The following CHLSN variants were observed in gnomAD, a reference collection of about 807,000 sequenced individuals.
The protein encoded by CHLSN is cholesin.
the CHLSN span, among the ~76,000 whole-genome samples, chr7:1,041,765 G>C: frequency 3.3e-5 from 5 of 151,940 alleles, no homozygotes; most frequent in African/African-American, 1.2e-4. Flanking sequence ...GTTCATCTCC[G>C]AGGGGAACGC....
At chr7:1,075,919 A>G in the CHLSN span, 1 of 151,960 alleles carries the variant, frequency 6.6e-6, no homozygotes, top group Non-Finnish European at 1.5e-5. Context: ...TTTATTAAAA[A>G]AAAAAACCCT....
the CHLSN span, among the ~76,000 whole-genome samples, chr7:1,090,940 T>C: frequency 6.6e-6 from 1 of 151,782 alleles, no homozygotes; most frequent in Non-Finnish European, 1.5e-5. Flanking sequence ...TAAGAGAAGA[T>C]TCTGCTCTGA....
At chr7:1,092,616 G>C in the CHLSN span, 1 of 1,612,174 alleles carries the variant, frequency 6.2e-7, no homozygotes, top group Admixed American at 1.7e-5. Flanking sequence ...CCTGCAAGCA[G>C]TCTTTCCGCC....
chr7:1,095,944 G>A, the CHLSN span, among the ~76,000 whole-genome samples: 7 of 152,226 alleles, frequency 4.6e-5, no homozygotes, highest in South Asian at 2.1e-4. Context: ...GTGCAGGGAC[G>A]GCAGCAGCGG....
the CHLSN span, among the ~76,000 whole-genome samples, chr7:1,030,838 C>A: frequency 2.0e-5 from 3 of 152,168 alleles, no homozygotes; most frequent in Admixed American, 2.0e-4. Flanking sequence ...TGCCACCATG[C>A]CTGCTTTCCC....
the CHLSN span, among the ~76,000 whole-genome samples, chr7:1,129,983 A>G: frequency 0.7 from 106,470 of 152,118 alleles, 38,656 homozygotes; most frequent in African/African-American, 0.89. Context: ...ATCAACTAGC[A>G]AAGCTGTGGC....
chr7:1,101,203 C>T, the CHLSN span, among the ~76,000 whole-genome samples: 2 of 152,392 alleles, frequency 1.3e-5, no homozygotes, highest in East Asian at 1.9e-4. Flanking sequence ...TCAGCTGCTG[C>T]GGTTGGTCTG....
At chr7:1,060,752 C>G in the CHLSN span, among the ~76,000 whole-genome samples, 14 of 152,226 alleles carry the variant, frequency 9.2e-5, no homozygotes, top group African/African-American at 3.4e-4. Context: ...AGGTGTGAAC[C>G]TTTAAAGCCG....
the CHLSN span, among the ~76,000 whole-genome samples, chr7:1,115,423 T>G: frequency 1.3e-5 from 2 of 152,134 alleles, no homozygotes; most frequent in African/African-American, 4.8e-5. Context: ...CAGGAGGCGC[T>G]CCCCATCACC....
chr7:997,860 C>G, the CHLSN span: 2 of 1,482,038 alleles, frequency 1.3e-6, no homozygotes, highest in South Asian at 2.4e-5. Context: ...GGCCGCTGAA[C>G]AGCAGGAGAC....
At chr7:1,071,379 C>G in the CHLSN span, among the ~76,000 whole-genome samples, 1 of 152,226 alleles carries the variant, frequency 6.6e-6, no homozygotes, top group African/African-American at 2.4e-5. Flanking sequence ...CTCTGTGGCA[C>G]TAGCACTGGT....
chr7:987,324 A>G, the CHLSN span: 1 of 1,552,182 alleles, frequency 6.4e-7, no homozygotes, highest in South Asian at 1.2e-5. Context: ...GCTGCCACCC[A>G]AGCGGCCCAC....
the CHLSN span, among the ~76,000 whole-genome samples, chr7:1,053,647 G>A: frequency 3.3e-5 from 5 of 152,190 alleles, no homozygotes; most frequent in African/African-American, 1.2e-4. Context: ...GGCCAACATG[G>A]AGAAACCTTG....
the CHLSN span, among the ~76,000 whole-genome samples, chr7:1,019,213 G>GAAA: frequency 1.4e-4 from 6 of 42,986 alleles, no homozygotes; most frequent in East Asian, 6.7e-4. Flanking sequence ...AAAAAAAAAC[G>GAAA]GGGGGGGGGG....
At chr7:1,087,146 G>A in the CHLSN span, 3 of 152,374 alleles carry the variant, frequency 2.0e-5, no homozygotes, top group Admixed American at 6.5e-5. Context: ...GTCCGGGGAG[G>A]GAGGTTTATT....
the CHLSN span, among the ~76,000 whole-genome samples, chr7:1,027,462 C>T: frequency 6.6e-6 from 1 of 152,212 alleles, no homozygotes; most frequent in Non-Finnish European, 1.5e-5. Flanking sequence ...CGCCACCTGC[C>T]CGGGCCACCG....
At chr7:1,057,674 A>G in the CHLSN span, 1 of 772,396 alleles carries the variant, frequency 1.3e-6, no homozygotes, top group African/African-American at 1.7e-5. Context: ...TGGCCAACCT[A>G]CACAGCAAGG....
the CHLSN span, among the ~76,000 whole-genome samples, chr7:1,103,503 TA>T: frequency 6.6e-6 from 1 of 152,198 alleles, no homozygotes; most frequent in Non-Finnish European, 1.5e-5. Context: ...AATTAGCCCT[TA>T]TTTGTATTTC....
the CHLSN span, among the ~76,000 whole-genome samples, chr7:1,021,052 C>T: frequency 6.6e-6 from 1 of 151,016 alleles, no homozygotes; most frequent in East Asian, 1.9e-4. Flanking sequence ...CCAGCAGGGC[C>T]TCCAGGCTGG....
Sources: allele counts gnomAD v4.1 joint callset (sites outside exome capture counted in the v4.1 genomes callset), GRCh38; gene constraint gnomAD v4.1.1; transcripts MANE v1.5; gene names NCBI Gene and HGNC (gene_info 2026-07-23, HGNC 2026-07-21).